POLE: variants seen among roughly 807,000 people sequenced by gnomAD.
POLE encodes the protein DNA polymerase epsilon catalytic subunit A.
POLE carries 188 observed loss-of-function variants against 279.2 expected under a neutral mutation model. The ratio of observed to expected loss-of-function variants is 0.67; its 90% confidence interval spans 0.60 to 0.76. POLE has a LOEUF of 0.76. POLE is among the 30% of genes least tolerant of loss of function. The pLI, the probability that POLE is intolerant of heterozygous loss-of-function variation, is 0.00. For missense variants in POLE, 2,703 were observed against 3,016.7 expected, an observed-to-expected ratio of 0.90 and a Z score of 2.44; for synonymous variants, 1,214 against 1,172.5, an observed-to-expected ratio of 1.04 and a Z score of -0.72.
intron 32 of POLE, 82 bp downstream of exon 32, chr12:132,648,847 A>G (rs1274511659): frequency 2.1e-6 from 3 of 1,425,602 alleles, no homozygotes; most frequent in Non-Finnish European, 2.9e-6. Flanking sequence ...GAGGAGATGG[A>G]GGCTGGAGGC....
intron 12 of POLE, 144 bp from the exon 13 acceptor site, chr12:132,673,851 T>C (rs2042985910): frequency 3.6e-6 from 3 of 833,536 alleles, no homozygotes; most frequent in Non-Finnish European, 5.8e-6. Flanking sequence ...CCCCACATGG[T>C]GTAGACACCT....
intron 39 of POLE, 77 bp downstream of exon 39, chr12:132,641,570 A>T: frequency 7.9e-7 from 1 of 1,269,792 alleles, no homozygotes; most frequent in Non-Finnish European, 1.1e-6. Context: ...ACCCTGTCTT[A>T]GACCTTAGCT....
At chr12:132,641,574 C>G (rs2042141843) in intron 39 of POLE, 73 bp downstream of exon 39, 1 of 1,335,724 alleles carries the variant, frequency 7.5e-7, no homozygotes, top group East Asian at 2.4e-5. Flanking sequence ...TGTCTTAGAC[C>G]TTAGCTTTCC....
intron 29 of POLE, among the ~76,000 whole-genome samples, chr12:132,653,088 G>A (rs2042458739): frequency 1.3e-5 from 2 of 152,184 alleles, no homozygotes; most frequent in Non-Finnish European, 2.9e-5. Context: ...GTTCAATAAA[G>A]TTGTGTATAG....
At chr12:132,682,600 C>T (rs1051473948) in intron 1 of POLE, among the ~76,000 whole-genome samples, 2 of 152,102 alleles carry the variant, frequency 1.3e-5, no homozygotes, top group Admixed American at 1.3e-4. Context: ...TGAAGTGATA[C>T]GGGAATCTCT....
chr12:132,665,587 T>A, intron 20 of POLE, 137 bp from the exon 21 acceptor site: 1 of 925,248 alleles, frequency 1.1e-6, no homozygotes, highest in Non-Finnish European at 1.6e-6. Context: ...ATGAAGAGTG[T>A]ACATTCTTCT....
intron 26 of POLE, chr12:132,658,664 C>T (rs750318126): frequency 6.5e-6 from 1 of 154,184 alleles, no homozygotes; most frequent in Non-Finnish European, 1.4e-5. Context: ...ATACTGCAAA[C>T]ATAAGGAGAC....
rs149414262 is a variant in POLE at position 132,627,665 on chromosome 12, G to T, written c.6331-1348C>A. Among the ~76,000 whole-genome samples, 218 of 152,278 alleles carry T rather than the reference G, an allele frequency of 1.4e-3. 1 individual carries two copies. Among genetic ancestry groups the T allele is most frequent in the African/African-American group, 5.2e-3 (215 of 41,552 alleles). Reference sequence around the variant, plus strand: ...AACAGCATTATGTCTAAAAAACAATGTATGTACCTTAATTTTAAAATGTTT... The same window carrying T: ...AACAGCATTATGTCTAAAAAACAATTTATGTACCTTAATTTTAAAATGTTT... On this transcript the variant is annotated intron_variant, in intron 45 of 48. Coordinates refer to ENST00000320574, the MANE Select transcript of POLE (RefSeq NM_006231.4).
In POLE at chr12:132,641,834, G is replaced by T. The variant is rs1488754521; in HGVS notation, c.5191C>A (p.Leu1731Ile). The T allele has an allele frequency of 6.2e-7, 1 of 1,600,490 alleles. No individual in the cohort carries two copies. The highest frequency in any genetic ancestry group is 2.2e-5 in the East Asian group (1 of 44,876). Reference sequence around the variant, plus strand: ...ATGGTGTTGACGGCCAGGTTCTGAAGGTCCAGCTCCACACACACTGCACAG... The same window carrying T: ...ATGGTGTTGACGGCCAGGTTCTGAATGTCCAGCTCCACACACACTGCACAG... ...CYSTVCVELD[L>I]QNLAVNTILQ... is the part of the protein sequence containing the mutation. The change falls in exon 39 of 49, where the codon CTT becomes ATT. Residue 1731 changes from leucine to isoleucine, a missense_variant. Around this residue, in one of 5 missense-constraint regions of POLE, gnomAD observed 1,551 missense variants for 1,686.1 expected, o/e 0.92. Transcript: ENST00000320574.
chr12:132,661,904 C>T lies in POLE; in HGVS notation c.2707-220G>A, dbSNP rs553184399. ...CCAAGAAGCCAGACCCAAAATGCTA[C>T]AGGCCGTATGCTTCCCTTTACATGA... On this transcript the variant is annotated intron_variant, in intron 23 of 48. Coordinates refer to ENST00000320574, the MANE Select transcript of POLE (RefSeq NM_006231.4). The surrounding 1 kb of genome is among the most constrained non-coding windows in gnomAD (Gnocchi z 4.1). 3.9e-5 allele frequency among the ~76,000 whole-genome samples: 6 copies of T among 152,380 alleles called. No individual in the cohort carries two copies. In the East Asian group the frequency reaches 9.6e-4, roughly 24 times the overall value.
At chr12:132,642,481 C>T in intron 37 of POLE, 25 bp downstream of exon 37, 1 of 1,604,672 alleles carries the variant, frequency 6.2e-7, no homozygotes. Flanking sequence ...GGACCACTGG[C>T]CCACAACGAC....
chr12:132,679,029 G>T (rs923927267), intron 6 of POLE, among the ~76,000 whole-genome samples: 1 of 152,198 alleles, frequency 6.6e-6, no homozygotes, highest in African/African-American at 2.4e-5. Flanking sequence ...CATTACTCAA[G>T]ATTTTCTCTT....
At position 132,634,539 on chromosome 12, in the gene POLE, C is replaced by G. The variant is rs927320959; in HGVS notation, c.5812-161G>C. On this transcript the variant is annotated intron_variant, in intron 42 of 48. Coordinates refer to ENST00000320574, the MANE Select transcript of POLE (RefSeq NM_006231.4). The surrounding 1 kb of genome is among the most constrained non-coding windows in gnomAD (Gnocchi z 4.0). ...TCCCCTGGAGCCTGCGTGAATCCCC[C>G]AGGGTGGCTCCCAGTACAAAGTGCT... Among the ~76,000 whole-genome samples the G allele has an allele frequency of 2.0e-5, 3 of 152,194 alleles. No individual in the cohort carries two copies. Among genetic ancestry groups the G allele is most frequent in the African/African-American group, 7.2e-5 (3 of 41,444 alleles).
chr12:132,626,397 CTT>C, intron 45 of POLE, 80 bp from the exon 46 acceptor site: 9 of 1,377,084 alleles, frequency 6.5e-6, no homozygotes, highest in Non-Finnish European at 9.2e-6. Context: ...CCCTCTGGAC[CTT>C]AGGCTACAGT....
chr12:132,641,684 T>C lies in POLE; in HGVS notation c.5341A>G (p.Ser1781Gly), dbSNP rs1210128859. 2 of 1,614,016 alleles carry C rather than the reference T, an allele frequency of 1.2e-6. No homozygotes were observed. Among genetic ancestry groups the C allele is most frequent in the Admixed American group, 3.3e-5 (2 of 60,024 alleles). The change falls in exon 39 of 49, where the codon AGC (serine) becomes GGC (glycine). Residue 1781 changes from serine to glycine, a missense_variant. Around this residue, in one of 5 missense-constraint regions of POLE, gnomAD observed 1,551 missense variants for 1,686.1 expected, o/e 0.92. Transcript: ENST00000320574. ...TGGQAASAPA[S>G]YDETALCSNT... The stretch of plus-strand genomic sequence containing the variant: ...GAGCACAGGGCTGTCTCATCGTAGC[T>C]GGCCGGGGCACTGGCAGCCTGACCA...
chr12:132,680,734 G>C (rs762901751), intron 2 of POLE, 47 bp from the exon 3 acceptor site: 1 of 1,448,624 alleles, frequency 6.9e-7, no homozygotes, highest in Non-Finnish European at 9.7e-7. Flanking sequence ...CCTCTACACA[G>C]TTAGAGAAAC....
intron 13 of POLE, 94 bp from the exon 14 acceptor site, chr12:132,673,371 T>C (rs1325849169): frequency 8.6e-7 from 1 of 1,162,210 alleles, no homozygotes; most frequent in African/African-American, 1.5e-5. Flanking sequence ...CTGACCAGCC[T>C]GCCGCACACA....
In POLE at chr12:132,629,717, C is replaced by T. The variant is rs140847902; in HGVS notation, c.6330+2598G>A. ...GACTCAACTTTCTCCATATCAGCAACAGGATGCTTCACTTCTTTATCTTTC... is the reference window on the plus strand; with the variant it reads ...GACTCAACTTTCTCCATATCAGCAATAGGATGCTTCACTTCTTTATCTTTC... On this transcript the variant is annotated intron_variant, in intron 45 of 48. Transcript: ENST00000320574. 3.8e-3 allele frequency among the ~76,000 whole-genome samples: 576 copies of T among 152,292 alleles called. 1 individual carries two copies. Among genetic ancestry groups the T allele is most frequent in the Non-Finnish European group, 4.0e-3 (275 of 68,028 alleles).
chr12:132,670,065 T>C (rs1307877933), intron 16 of POLE, among the ~76,000 whole-genome samples: 1 of 152,080 alleles, frequency 6.6e-6, no homozygotes, highest in Non-Finnish European at 1.5e-5. Context: ...CACTGTTTCT[T>C]AAAGACTTTA....
Sources: allele counts gnomAD v4.1 joint callset (sites outside exome capture counted in the v4.1 genomes callset), GRCh38; gene constraint gnomAD v4.1.1; regional missense constraint gnomAD v4.1.1; non-coding constraint Gnocchi (gnomAD v3.1); transcripts MANE v1.5; gene names NCBI Gene and HGNC (gene_info 2026-07-23, HGNC 2026-07-21).